Variants in KIAA1217 observed in about 807,000 individuals in gnomAD.
The protein encoded by KIAA1217 is KIAA1217, also known as sickle tail protein homolog.
KIAA1217 carries 88 observed loss-of-function variants against 163.9 expected under a neutral mutation model. That is an observed-to-expected ratio of 0.54 (90% CI 0.45 to 0.64). KIAA1217 has a LOEUF of 0.64. KIAA1217 is among the 30% of genes least tolerant of loss of function. The probability of loss-of-function intolerance (pLI) is 0.00; values close to 1 mark genes in which losing one functional copy is unlikely to be tolerated. For synonymous variants in KIAA1217, 903 were observed against 923.1 expected (o/e 0.98, Z 0.39); for missense variants, 2,372 against 2,475.0 (o/e 0.96, Z 0.88).
At chr10:24,075,789 A>T (rs1460262285) in intron 2 of KIAA1217, among the ~76,000 whole-genome samples, 1 of 151,926 alleles carries the variant, frequency 6.6e-6, no homozygotes, top group African/African-American at 2.4e-5. Context: ...TTTTTAGTAG[A>T]GATTGGGTTT....
At chr10:24,363,382 CAAT>C (rs1212217036) in intron 2 of KIAA1217, among the ~76,000 whole-genome samples, 4 of 152,140 alleles carry the variant, frequency 2.6e-5, no homozygotes, top group Non-Finnish European at 4.4e-5. Context: ...AGTACAACAA[CAAT>C]GTCTGAAGTT....
chr10:23,912,136 C>T (rs1809437936), intron 1 of KIAA1217, among the ~76,000 whole-genome samples: 1 of 152,002 alleles, frequency 6.6e-6, no homozygotes, highest in Non-Finnish European at 1.5e-5. Flanking sequence ...GTGCAATTGC[C>T]CCTGAGGGAA....
chr10:23,872,962 A>G (rs1407601523), intron 1 of KIAA1217, among the ~76,000 whole-genome samples: 1 of 152,082 alleles, frequency 6.6e-6, no homozygotes, highest in Admixed American at 6.6e-5. Flanking sequence ...ACAAGCCCAG[A>G]ATAAGCAATC....
At chr10:24,177,642 A>G (rs2065974903) in intron 2 of KIAA1217, among the ~76,000 whole-genome samples, 1 of 151,936 alleles carries the variant, frequency 6.6e-6, no homozygotes, top group African/African-American at 2.4e-5. Flanking sequence ...TACAAAGATG[A>G]CAGTTTAAAA....
intron 1 of KIAA1217, among the ~76,000 whole-genome samples, chr10:24,004,080 A>G (rs951103796): frequency 1.3e-5 from 2 of 152,106 alleles, no homozygotes; most frequent in Non-Finnish European, 2.9e-5. Context: ...CCCGGTTCCA[A>G]GCGATTCTCC....
At chr10:23,840,877 C>A (rs537099360) in intron 1 of KIAA1217, among the ~76,000 whole-genome samples, 1 of 152,272 alleles carries the variant, frequency 6.6e-6, no homozygotes, top group East Asian at 1.9e-4. Flanking sequence ...TTTTTCCCAT[C>A]TTCTATTTCA....
rs2075765024 is a variant in KIAA1217, at chr10:24,547,455, T to G, written c.*1131T>G. ...ATATACAGAACTATAAGCAGAGACTTTGCAAAACTAAATAAAGGGCTGCAT... is the reference window on the plus strand; with the variant it reads ...ATATACAGAACTATAAGCAGAGACTGTGCAAAACTAAATAAAGGGCTGCAT... On this transcript the variant is annotated 3_prime_UTR_variant, in exon 21 of 21. Coordinates refer to ENST00000376454, the MANE Select transcript of KIAA1217 (RefSeq NM_019590.5). 6.6e-6 allele frequency: 1 copy of G among 152,616 alleles called. No homozygotes were observed. Among genetic ancestry groups the G allele is most frequent in the Non-Finnish European group, 1.5e-5 (1 of 68,046 alleles). The allele number at this position is 152,616 out of a possible 1,614,324, so 9.5% of individuals were successfully genotyped here.
chr10:24,528,925 T>C (rs2072666312), intron 14 of KIAA1217, among the ~76,000 whole-genome samples: 1 of 152,306 alleles, frequency 6.6e-6, no homozygotes, highest in Non-Finnish European at 1.5e-5. Flanking sequence ...GGAAGTTAAA[T>C]GCCAACATGT....
intron 1 of KIAA1217, among the ~76,000 whole-genome samples, chr10:23,812,427 C>A (rs1453985237): frequency 6.6e-6 from 1 of 151,874 alleles, no homozygotes; most frequent in Non-Finnish European, 1.5e-5. Flanking sequence ...TTGGCACAGG[C>A]CATAGTAGGA....
intron 2 of KIAA1217, among the ~76,000 whole-genome samples, chr10:24,188,132 G>C (rs577254732): frequency 4.6e-5 from 7 of 152,236 alleles, no homozygotes; most frequent in African/African-American, 1.7e-4. Context: ...GGGAGGCAGA[G>C]TTTGCAGTGA....
At chr10:24,003,210 T>C (rs1846832369) in intron 1 of KIAA1217, among the ~76,000 whole-genome samples, 1 of 152,212 alleles carries the variant, frequency 6.6e-6, no homozygotes, top group Admixed American at 6.5e-5. Flanking sequence ...GATCTACCTT[T>C]AGTTCTTTAG....
At chr10:24,484,008 AATTG>A (rs1442503865) in intron 6 of KIAA1217, among the ~76,000 whole-genome samples, 2 of 151,892 alleles carry the variant, frequency 1.3e-5, no homozygotes, top group Non-Finnish European at 2.9e-5. Flanking sequence ...CCTGCAAGCT[AATTG>A]ATCTGTTTCC....
intron 1 of KIAA1217, among the ~76,000 whole-genome samples, chr10:23,908,283 T>G (rs548609180): frequency 6.6e-6 from 1 of 152,128 alleles, no homozygotes. Flanking sequence ...ATGTATTGTT[T>G]TTTTTCAAAT....
At chr10:24,494,950 C>T in intron 7 of KIAA1217, 197 bp from the exon 8 acceptor site, 1 of 592,828 alleles carries the variant, frequency 1.7e-6, no homozygotes, top group African/African-American at 1.9e-5. Flanking sequence ...AGCCTGGCTG[C>T]ATTCCACCCC....
intron 1 of KIAA1217, among the ~76,000 whole-genome samples, chr10:23,920,299 A>G (rs1842805997): frequency 6.6e-6 from 1 of 152,196 alleles, no homozygotes; most frequent in South Asian, 2.1e-4. Flanking sequence ...AGAGGTAGAC[A>G]TCGGACACTT....
At chr10:24,323,929 A>G (rs560785028) in intron 2 of KIAA1217, among the ~76,000 whole-genome samples, 5 of 152,066 alleles carry the variant, frequency 3.3e-5, no homozygotes, top group African/African-American at 1.2e-4. Flanking sequence ...CTAAAAATCA[A>G]AGGAAGAATA....
chr10:23,974,794 C>A (rs1034605502), intron 1 of KIAA1217, among the ~76,000 whole-genome samples: 6 of 152,154 alleles, frequency 3.9e-5, no homozygotes, highest in Non-Finnish European at 8.8e-5. Context: ...AAGTACGACG[C>A]CAGCCATAAA....
intron 2 of KIAA1217, among the ~76,000 whole-genome samples, chr10:24,029,298 T>C (rs1848096268): frequency 6.6e-6 from 1 of 152,102 alleles, no homozygotes; most frequent in South Asian, 2.1e-4. Flanking sequence ...CTGCTCTATT[T>C]TTCTACATAA....
intron 2 of KIAA1217, among the ~76,000 whole-genome samples, chr10:24,138,030 G>GA (rs1376976621): frequency 6.6e-6 from 1 of 152,124 alleles, no homozygotes; most frequent in African/African-American, 2.4e-5. Context: ...TAGAAATTAA[G>GA]AAAAATGAAA....
Sources: allele counts gnomAD v4.1 joint callset (sites outside exome capture counted in the v4.1 genomes callset), GRCh38; gene constraint gnomAD v4.1.1; transcripts MANE v1.5; gene names NCBI Gene and HGNC (gene_info 2026-07-23, HGNC 2026-07-21).